Variants in UBA6 observed in about 807,000 individuals in gnomAD.
UBA6 encodes ubiquitin like modifier activating enzyme 6, also known as ubiquitin-like modifier-activating enzyme 6.
UBA6 carries 87 observed loss-of-function variants against 148.3 expected under a neutral mutation model. That is an observed-to-expected ratio of 0.59 (90% CI 0.49 to 0.70). The LOEUF (loss-of-function observed/expected upper bound fraction) is 0.70. Ranked by LOEUF, UBA6 falls within the 30% of genes least tolerant of loss-of-function variation. The pLI, the probability that UBA6 is intolerant of heterozygous loss-of-function variation, is 0.00. For missense variants in UBA6, 1,186 were observed against 1,241.2 expected, an observed-to-expected ratio of 0.96 and a Z score of 0.67; for synonymous variants, 376 against 401.0, an observed-to-expected ratio of 0.94 and a Z score of 0.75.
chr4:67,628,178 TG>T (rs1243257614), intron 27 of UBA6, among the ~76,000 whole-genome samples: 3 of 151,966 alleles, frequency 2.0e-5, no homozygotes, highest in African/African-American at 7.2e-5. Context: ...TCCACTTCAC[TG>T]GACAATTATT....
intron 12 of UBA6, 22 bp from the exon 13 acceptor site, chr4:67,662,277 C>G: frequency 6.2e-7 from 1 of 1,604,820 alleles, no homozygotes; most frequent in Non-Finnish European, 8.5e-7. Flanking sequence ...AACAGAACAC[C>G]CTAACTTTAA....
At position 67,668,368 on chromosome 4, in the gene UBA6, A is replaced by G. The variant is rs112658474; in HGVS notation, c.793+183T>C. 3.3e-5 allele frequency among the ~76,000 whole-genome samples: 5 copies of G among 152,334 alleles called. 2 individuals carry two copies. Among genetic ancestry groups the G allele is most frequent in the African/African-American group, 1.2e-4 (5 of 41,590 alleles). On this transcript the variant is annotated intron_variant, in intron 9 of 32. Coordinates refer to ENST00000322244, the MANE Select transcript of UBA6 (RefSeq NM_018227.6). ...TTTCCCTGCTAAGTTCAGTGTCCCC[A>G]GAATGAGTATACTCTCTTAATATCA...
At chr4:67,648,613 C>A (rs1292768366) in intron 14 of UBA6, among the ~76,000 whole-genome samples, 1 of 151,990 alleles carries the variant, frequency 6.6e-6, no homozygotes, top group Non-Finnish European at 1.5e-5. Context: ...GATTTTTATT[C>A]CATCTTGTGA....
chr4:67,636,677 G>A (rs1440259084), intron 19 of UBA6, among the ~76,000 whole-genome samples: 2 of 152,238 alleles, frequency 1.3e-5, no homozygotes, highest in Non-Finnish European at 2.9e-5. Context: ...TGCAGACAGA[G>A]TCTCCTTCAT....
chr4:67,678,449 T>C lies in UBA6; in HGVS notation c.343A>G (p.Lys115Glu), dbSNP rs748783852. 4.4e-6 allele frequency: 7 copies of C among 1,592,036 alleles called. No individual in the cohort carries two copies. The East Asian group carries it at 6.8e-5, about 15-fold the overall frequency. Residue 115 changes from lysine (K) to glutamate (E), a missense_variant, in exon 5 of 33, where the codon AAG becomes GAG. Coordinates refer to ENST00000322244, the MANE Select transcript of UBA6 (RefSeq NM_018227.6). Reference protein sequence around the residue: ...FFLSEDDVVNKRNRAEAVLKH... With the variant: ...FFLSEDDVVNERNRAEAVLKH... The stretch of plus-strand genomic sequence containing the variant: ...TCAAAATATCTTTACCTGTTTCTCT[T>C]ATTAACAACATCATCTTCACTGAGA...
chr4:67,692,914 C>A (rs770153512), intron 2 of UBA6, among the ~76,000 whole-genome samples: 1 of 152,154 alleles, frequency 6.6e-6, no homozygotes, highest in Non-Finnish European at 1.5e-5. Context: ...CAGAAGGGTT[C>A]CGACGATTCA....
intron 1 of UBA6, among the ~76,000 whole-genome samples, chr4:67,698,260 T>C (rs1730886918): frequency 6.6e-6 from 1 of 152,212 alleles, no homozygotes; most frequent in African/African-American, 2.4e-5. Context: ...GCTGCCTAAC[T>C]CATTAACCTG....
At chr4:67,663,072 A>C in intron 12 of UBA6, 67 bp downstream of exon 12, 1 of 1,183,822 alleles carries the variant, frequency 8.4e-7, no homozygotes, top group East Asian at 2.5e-5. Flanking sequence ...TTACTTTTTA[A>C]ATTATAATTT....
rs769417180 is a variant in UBA6, at chr4:67,624,172, T to C, written c.2794A>G (p.Ile932Val). Residue 932 changes from isoleucine (I) to valine (V), a missense_variant, in exon 30 of 33, where the codon ATT (isoleucine) becomes GTT (valine). Physicochemically the swap from Ile to Val is conservative, Grantham distance 29. Coordinates refer to ENST00000322244, the MANE Select transcript of UBA6 (RefSeq NM_018227.6). ...KNCFLNLAIP[I>V]VVFTETTEVR... Reference sequence around the variant, plus strand: ...TCAGTTGTCTCTGTAAATACTACAATTGGAATGGCTAAGTTAAGAAAACAA... The same window carrying C: ...TCAGTTGTCTCTGTAAATACTACAACTGGAATGGCTAAGTTAAGAAAACAA... The C allele has an allele frequency of 3.7e-6, 6 of 1,609,312 alleles. No individual in the cohort carries two copies. The South Asian group carries it at 4.4e-5, about 12-fold the overall frequency.
intron 29 of UBA6, among the ~76,000 whole-genome samples, chr4:67,624,464 A>G (rs1035577123): frequency 2.0e-5 from 3 of 152,120 alleles, no homozygotes; most frequent in Admixed American, 1.3e-4. Context: ...ATACATGTTA[A>G]CAGTTATTTA....
At chr4:67,669,043 A>G (rs1430844729) in intron 8 of UBA6, among the ~76,000 whole-genome samples, 4 of 152,192 alleles carry the variant, frequency 2.6e-5, no homozygotes, top group African/African-American at 9.6e-5. Flanking sequence ...AAAGCCTAAC[A>G]CTGAAGATCA....
intron 2 of UBA6, among the ~76,000 whole-genome samples, chr4:67,685,095 AC>A (rs1209605142): frequency 6.6e-6 from 1 of 152,188 alleles, no homozygotes; most frequent in Admixed American, 6.5e-5. Context: ...AGAGAAAAAA[AC>A]AACCATCAGT....
chr4:67,663,766 C>A, intron 11 of UBA6, 119 bp downstream of exon 11: 1 of 806,980 alleles, frequency 1.2e-6, no homozygotes, highest in South Asian at 1.5e-5. Context: ...ATTATACTCA[C>A]ATTATAAGGC....
Position 67,649,009 on chromosome 4 carries a change from A to C in UBA6, c.1248+59T>G, listed in dbSNP as rs574141654. 3 of 1,550,088 alleles carry C rather than the reference A, an allele frequency of 1.9e-6. No homozygotes were observed. The African/African-American group carries it at 4.1e-5, about 21-fold the overall frequency. On this transcript the variant is annotated intron_variant, in intron 14 of 32. Transcript: ENST00000322244. ...TCTAATATATTAATACTACATTATA[A>C]TATGTAACACATTCCATTTCACGAG...
At chr4:67,658,806 C>T (rs1482508275) in intron 13 of UBA6, among the ~76,000 whole-genome samples, 1 of 152,098 alleles carries the variant, frequency 6.6e-6, no homozygotes, top group Non-Finnish European at 1.5e-5. Context: ...ATATGACATT[C>T]TAGAAAAGAA....
At chr4:67,687,954 G>A (rs991946950) in intron 2 of UBA6, among the ~76,000 whole-genome samples, 1 of 152,026 alleles carries the variant, frequency 6.6e-6, no homozygotes, top group Non-Finnish European at 1.5e-5. Context: ...TATGATGCAG[G>A]AAAAAAGAAT....
rs554130362 is a variant in UBA6, at chr4:67,694,121, C to T, written c.134+2524G>A. Among the ~76,000 whole-genome samples the T allele has an allele frequency of 7.3e-5, 10 of 137,108 alleles. No individual in the cohort carries two copies. In the South Asian group the frequency reaches 2.5e-3, roughly 34 times the overall value. The allele number at this position is 137,108 out of a possible 152,430, so 89.9% of individuals were successfully genotyped here. A position where few individuals can be genotyped will look rare whatever the true frequency, so the allele number is the denominator to read the frequency against. ...GTCCCAGCTACTCAGGAGGCTGAGG[C>T]AGGAGAATTGCTTGAACCCAAGAGG... On this transcript the variant is annotated intron_variant, in intron 2 of 32. Transcript: ENST00000322244.
At chr4:67,700,015 A>G (rs1730939519) in intron 1 of UBA6, among the ~76,000 whole-genome samples, 1 of 152,236 alleles carries the variant, frequency 6.6e-6, no homozygotes, top group African/African-American at 2.4e-5. Flanking sequence ...CTGAATAAAA[A>G]CGAGAACAGC....
intron 23 of UBA6, among the ~76,000 whole-genome samples, chr4:67,632,922 T>C (rs1306693805): frequency 6.6e-6 from 1 of 152,182 alleles, no homozygotes; most frequent in Non-Finnish European, 1.5e-5. Flanking sequence ...CCAGCAACTA[T>C]ATTTAACTGG....
Sources: allele counts gnomAD v4.1 joint callset (sites outside exome capture counted in the v4.1 genomes callset), GRCh38; gene constraint gnomAD v4.1.1; transcripts MANE v1.5; gene names NCBI Gene and HGNC (gene_info 2026-07-23, HGNC 2026-07-21).